HDAC9: variants seen among roughly 807,000 people sequenced by gnomAD.
HDAC9 encodes the protein MEF-2 interacting transcription repressor (MITR) protein.
Under a neutral mutation model 139.4 loss-of-function variants are expected in HDAC9, and 41 were observed. The observed-to-expected ratio is 0.29, with a 90% confidence interval of 0.23 to 0.38. The LOEUF (loss-of-function observed/expected upper bound fraction) is 0.38. HDAC9 is among the 10% of genes least tolerant of loss of function. The pLI is 1.00. For synonymous variants in HDAC9, 517 were observed against 476.2 expected (o/e 1.09, Z -1.12); for missense variants, 1,147 against 1,297.0 (o/e 0.88, Z 1.78).
In HDAC9 at chr7:18,966,775, G is replaced by A. The variant is rs537777519; in HGVS notation, c.3023-9031G>A. Among the ~76,000 whole-genome samples, 6 of 152,188 alleles carry A rather than the reference G, an allele frequency of 3.9e-5. No homozygotes were observed. In the South Asian group the frequency reaches 1.0e-3, roughly 26 times the overall value. On this transcript the variant is annotated intron_variant, in intron 24 of 25. Transcript: ENST00000686413. Reference sequence around the variant, plus strand: ...AAATCAGCAGTTAGGTGTGAATAAAGTATGTTCAGGAAATAGAAAGGACCA... The same window carrying A: ...AAATCAGCAGTTAGGTGTGAATAAAATATGTTCAGGAAATAGAAAGGACCA...
chr7:18,511,804 C>G lies in HDAC9; in HGVS notation c.22+15480C>G, dbSNP rs977337176. 1.1e-4 allele frequency among the ~76,000 whole-genome samples: 16 copies of G among 151,998 alleles called. No homozygotes were observed. In the South Asian group the frequency reaches 2.1e-3, roughly 20 times the overall value. ...CCCCTGCCAATATATTGGATATTGT[C>G]AGACTGTAGATATTTTTGCCAATCT... On this transcript the variant is annotated intron_variant, in intron 2 of 25. Coordinates refer to ENST00000686413, the MANE Select transcript of HDAC9 (RefSeq NM_178425.4).
chr7:18,095,134 G>T (rs1400453649), intron 1 of HDAC9, among the ~76,000 whole-genome samples: 1 of 152,056 alleles, frequency 6.6e-6, no homozygotes, highest in African/African-American at 2.4e-5. Flanking sequence ...CTGGGGTTCT[G>T]TTGGGGGATT....
chr7:18,179,517 T>G (rs974776757), intron 2 of HDAC9, among the ~76,000 whole-genome samples: 1 of 152,164 alleles, frequency 6.6e-6, no homozygotes, highest in Admixed American at 6.5e-5. Flanking sequence ...ATGAATAAGC[T>G]TTGTTTTTTT....
chr7:18,591,899 A>G (rs1047477136), intron 5 of HDAC9, among the ~76,000 whole-genome samples: 1 of 152,188 alleles, frequency 6.6e-6, no homozygotes, highest in Non-Finnish European at 1.5e-5. Context: ...AATAAATGGT[A>G]GCATTTATCA....
chr7:18,820,963 A>G (rs1177629143), intron 17 of HDAC9, among the ~76,000 whole-genome samples: 1 of 152,190 alleles, frequency 6.6e-6, no homozygotes, highest in Non-Finnish European at 1.5e-5. Flanking sequence ...TGATAAGCAG[A>G]AATGTATTTA....
chr7:18,861,108 A>G (rs375862402), intron 21 of HDAC9, among the ~76,000 whole-genome samples: 5 of 152,172 alleles, frequency 3.3e-5, no homozygotes, highest in African/African-American at 1.2e-4. Flanking sequence ...ATTTCTTGAG[A>G]ACCACTGTTG....
intron 1 of HDAC9, among the ~76,000 whole-genome samples, chr7:18,126,889 C>A (rs755695110): frequency 5.3e-5 from 8 of 152,094 alleles, no homozygotes; most frequent in Admixed American, 1.3e-4. Flanking sequence ...CAAGGAAGAG[C>A]AATTGGGATT....
chr7:18,535,331 A>G (rs1810509425), intron 2 of HDAC9, among the ~76,000 whole-genome samples: 1 of 152,076 alleles, frequency 6.6e-6, no homozygotes, highest in Non-Finnish European at 1.5e-5. Flanking sequence ...TATAATAAAT[A>G]TTATTGTTGA....
chr7:18,818,586 A>G (rs1018054425), intron 17 of HDAC9, among the ~76,000 whole-genome samples: 1 of 152,228 alleles, frequency 6.6e-6, no homozygotes, highest in Admixed American at 6.5e-5. Context: ...AGTAGCTAGC[A>G]GGACTACTGG....
chr7:18,184,810 A>G (rs1475894717), intron 2 of HDAC9, among the ~76,000 whole-genome samples: 1 of 152,210 alleles, frequency 6.6e-6, no homozygotes, highest in Non-Finnish European at 1.5e-5. Context: ...GTTGTGTCAG[A>G]TATTTTAATA....
At chr7:18,150,544 G>T (rs1786701253) in intron 1 of HDAC9, among the ~76,000 whole-genome samples, 1 of 152,152 alleles carries the variant, frequency 6.6e-6, no homozygotes, top group South Asian at 2.1e-4. Context: ...ATTTTGCTGA[G>T]AATCTTCTCT....
At chr7:18,905,959 C>T (rs778125224) in intron 22 of HDAC9, among the ~76,000 whole-genome samples, 1 of 146,936 alleles carries the variant, frequency 6.8e-6, no homozygotes, top group Non-Finnish European at 1.5e-5. Context: ...TTCCTTCATT[C>T]CTTCCTTCCT....
intron 1 of HDAC9, among the ~76,000 whole-genome samples, chr7:18,315,524 C>T (rs1157253133): frequency 1.3e-5 from 2 of 152,162 alleles, no homozygotes; most frequent in East Asian, 3.9e-4. Context: ...TGCTGTAAGC[C>T]TAAATAGATG....
At position 18,462,714 on chromosome 7, in the gene HDAC9, G is replaced by A. The variant is rs185246272; in HGVS notation, c.-41-33548G>A. On this transcript the variant is annotated intron_variant, in intron 1 of 3. Coordinates refer to the HDAC9 transcript ENST00000413509. The stretch of plus-strand genomic sequence containing the variant: ...ACAATGTCGTTTATAACTTTAGTTT[G>A]TTGATTTTTACTGCTGTATAATATC... Among the ~76,000 whole-genome samples, 27 of 151,968 alleles carry A rather than the reference G, an allele frequency of 1.8e-4. No homozygotes were observed. The Middle Eastern group carries it at 0.01, about 57-fold the overall frequency.
At chr7:18,311,737 A>G (rs1368879378) in intron 1 of HDAC9, among the ~76,000 whole-genome samples, 1 of 152,198 alleles carries the variant, frequency 6.6e-6, no homozygotes, top group African/African-American at 2.4e-5. Context: ...TTTTTCTCCC[A>G]AATATGGGGA....
chr7:18,495,491 G>C (rs149528910), upstream of HDAC9, among the ~76,000 whole-genome samples: 61 of 152,186 alleles, frequency 4.0e-4, no homozygotes, highest in African/African-American at 1.3e-3. Context: ...CTTCGAGAGA[G>C]GAAAGAGTTA....
chr7:18,234,943 C>G (rs1306391343), intron 2 of HDAC9, among the ~76,000 whole-genome samples: 1 of 152,128 alleles, frequency 6.6e-6, no homozygotes, highest in Non-Finnish European at 1.5e-5. Context: ...GTTTTTGTTT[C>G]ATCCATAGCT....
intron 1 of HDAC9, among the ~76,000 whole-genome samples, chr7:18,351,404 AT>A (rs1318187150): frequency 2.0e-5 from 3 of 152,122 alleles, no homozygotes; most frequent in African/African-American, 7.2e-5. Context: ...GAGTTTTAAT[AT>A]TTTTTAAGTT....
At chr7:18,932,819 A>AGAAG (rs1378465303) in intron 22 of HDAC9, among the ~76,000 whole-genome samples, 5 of 123,166 alleles carry the variant, frequency 4.1e-5, no homozygotes, top group African/African-American at 9.3e-5. Context: ...AAAGATAGAA[A>AGAAG]GAAAGAAGGA....
Sources: allele counts gnomAD v4.1 joint callset (sites outside exome capture counted in the v4.1 genomes callset), GRCh38; gene constraint gnomAD v4.1.1; transcripts MANE v1.5; gene names NCBI Gene and HGNC (gene_info 2026-07-23, HGNC 2026-07-21).